Variants in CPA6 observed in about 807,000 individuals in gnomAD.
The protein encoded by CPA6 is carboxypeptidase B.
In CPA6, 58 loss-of-function variants were observed where a neutral mutation model predicts 63.3. That is an observed-to-expected ratio of 0.92 (90% CI 0.74 to 1.14). The LOEUF (loss-of-function observed/expected upper bound fraction) is 1.14, where lower values mean the gene tolerates loss of function less well. CPA6 is among the 50% of genes most tolerant of loss of function. The pLI, the probability that CPA6 is intolerant of heterozygous loss-of-function variation, is 0.00. For missense variants in CPA6, 565 were observed against 526.6 expected, an observed-to-expected ratio of 1.07 and a Z score of -0.71; for synonymous variants, 185 against 179.0, an observed-to-expected ratio of 1.03 and a Z score of -0.27.
intron 1 of CPA6, among the ~76,000 whole-genome samples, chr8:67,729,253 A>G (rs1418424956): frequency 6.6e-6 from 1 of 152,180 alleles, no homozygotes; most frequent in Non-Finnish European, 1.5e-5. Flanking sequence ...TTCTCTGTAA[A>G]CCTGATAGAG....
At chr8:67,695,769 A>C (rs1393149694) in intron 1 of CPA6, among the ~76,000 whole-genome samples, 1 of 152,204 alleles carries the variant, frequency 6.6e-6, no homozygotes, top group Non-Finnish European at 1.5e-5. Flanking sequence ...TACATGTTTT[A>C]AATCAGTGTC....
intron 2 of CPA6, among the ~76,000 whole-genome samples, chr8:67,565,731 G>T (rs1813321825): frequency 6.6e-6 from 1 of 152,090 alleles, no homozygotes; most frequent in African/African-American, 2.4e-5. Context: ...GTCATTAGTT[G>T]GTATGGATCA....
chr8:67,588,069 C>T (rs1027197455), intron 2 of CPA6, among the ~76,000 whole-genome samples: 6 of 152,148 alleles, frequency 3.9e-5, no homozygotes, highest in Non-Finnish European at 7.3e-5. Context: ...CCTGTAACTA[C>T]TGCGCCACCT....
chr8:67,634,420 G>T (rs971023837), intron 1 of CPA6, among the ~76,000 whole-genome samples: 1 of 151,050 alleles, frequency 6.6e-6, no homozygotes, highest in Admixed American at 6.6e-5. Flanking sequence ...GGGTTTCACC[G>T]TGTTAGCCAG....
intron 1 of CPA6, among the ~76,000 whole-genome samples, chr8:67,674,130 G>A (rs1816417010): frequency 6.6e-6 from 1 of 152,164 alleles, no homozygotes; most frequent in Non-Finnish European, 1.5e-5. Context: ...TTCTACAGTT[G>A]TCATGACATG....
chr8:67,540,405 A>G (rs1200244678), intron 2 of CPA6, among the ~76,000 whole-genome samples: 1 of 152,094 alleles, frequency 6.6e-6, no homozygotes, highest in African/African-American at 2.4e-5. Context: ...CACCTGCCAG[A>G]TGCCAGCCAG....
At chr8:67,628,923 T>C (rs1270848888) in intron 1 of CPA6, among the ~76,000 whole-genome samples, 1 of 152,146 alleles carries the variant, frequency 6.6e-6, no homozygotes, top group Admixed American at 6.5e-5. Context: ...GAGACAATCC[T>C]GGCCAACATG....
At chr8:67,646,703 T>C (rs1380045058) in intron 1 of CPA6, among the ~76,000 whole-genome samples, 1 of 152,112 alleles carries the variant, frequency 6.6e-6, no homozygotes, top group Non-Finnish European at 1.5e-5. Context: ...CATGGAAGGA[T>C]CCCATGAATC....
intron 1 of CPA6, among the ~76,000 whole-genome samples, chr8:67,692,328 C>CAAA (rs55676882): frequency 5.6e-5 from 5 of 89,924 alleles, no homozygotes; most frequent in Non-Finnish European, 9.2e-5. Context: ...AATCCTGTCT[C>CAAA]AAAAAAAAAA....
chr8:67,663,439 C>T (rs777486920), intron 1 of CPA6, among the ~76,000 whole-genome samples: 3 of 151,996 alleles, frequency 2.0e-5, no homozygotes, highest in Non-Finnish European at 2.9e-5. Flanking sequence ...ACATGTGCCA[C>T]GATGGTTTGC....
chr8:67,578,135 T>C (rs975707258), intron 2 of CPA6, among the ~76,000 whole-genome samples: 3 of 152,200 alleles, frequency 2.0e-5, no homozygotes, highest in Non-Finnish European at 4.4e-5. Flanking sequence ...AGGTGGCATG[T>C]CAGATTTTGC....
chr8:67,563,352 G>T (rs1336808485), intron 2 of CPA6, among the ~76,000 whole-genome samples: 1 of 152,132 alleles, frequency 6.6e-6, no homozygotes, highest in Non-Finnish European at 1.5e-5. Flanking sequence ...GATTATCAGC[G>T]TCATTCACTG....
chr8:67,662,596 GAATA>G (rs1486555002), intron 1 of CPA6, among the ~76,000 whole-genome samples: 1 of 139,432 alleles, frequency 7.2e-6, no homozygotes, highest in Non-Finnish European at 1.5e-5. Context: ...TGTATATATA[GAATA>G]CATACACACG....
chr8:67,461,776 C>T (rs376414917), intron 8 of CPA6, among the ~76,000 whole-genome samples: 9 of 147,698 alleles, frequency 6.1e-5, no homozygotes, highest in Admixed American at 4.0e-4. Flanking sequence ...CGGGCAGAGG[C>T]GCCCCTCACC....
intron 2 of CPA6, among the ~76,000 whole-genome samples, chr8:67,577,839 C>T (rs1279689486): frequency 6.6e-6 from 1 of 152,158 alleles, no homozygotes; most frequent in East Asian, 1.9e-4. Context: ...CCTCAGGCCT[C>T]TTGCTGATAA....
chr8:67,527,985 G>A (rs1272330240), intron 2 of CPA6, among the ~76,000 whole-genome samples: 1 of 152,178 alleles, frequency 6.6e-6, no homozygotes, highest in East Asian at 1.9e-4. Context: ...AGCTGTCTGT[G>A]AGAACAGGCT....
intron 8 of CPA6, among the ~76,000 whole-genome samples, chr8:67,457,575 C>T (rs550365472): frequency 6.6e-6 from 1 of 152,224 alleles, no homozygotes; most frequent in East Asian, 1.9e-4. Flanking sequence ...GGTTTCATCA[C>T]CTCTCACCTG....
chr8:67,646,111 C>T (rs591226), intron 1 of CPA6, among the ~76,000 whole-genome samples: 19 of 152,330 alleles, frequency 1.2e-4, no homozygotes, highest in African/African-American at 4.3e-4. Flanking sequence ...GATCTCTCTG[C>T]TATGTAACAC....
intron 2 of CPA6, among the ~76,000 whole-genome samples, chr8:67,609,160 T>A (rs1444165178): frequency 6.6e-6 from 1 of 152,188 alleles, no homozygotes; most frequent in Non-Finnish European, 1.5e-5. Context: ...TTTGCATCTG[T>A]CCTTGAGAGA....
Sources: allele counts gnomAD v4.1 joint callset (sites outside exome capture counted in the v4.1 genomes callset), GRCh38; gene constraint gnomAD v4.1.1; transcripts MANE v1.5; gene names NCBI Gene and HGNC (gene_info 2026-07-23, HGNC 2026-07-21).